PPP2R3A: variants seen among roughly 807,000 people sequenced by gnomAD.
The protein encoded by PPP2R3A is protein phosphatase 2 regulatory subunit B''alpha.
A neutral mutation model predicts 106.9 loss-of-function variants in PPP2R3A; 80 were observed. The ratio of observed to expected loss-of-function variants is 0.75; its 90% CI spans 0.62 to 0.90. The LOEUF is 0.90. PPP2R3A is among the 40% of genes least tolerant of loss of function. PPP2R3A has a pLI of 0.00. For missense variants in PPP2R3A, 1,386 were observed against 1,350.4 expected (o/e 1.03, Z -0.41); for synonymous variants, 483 against 468.3 (o/e 1.03, Z -0.41).
At chr3:136,079,399 A>G in intron 7 of PPP2R3A, 1 of 185,704 alleles carries the variant, frequency 5.4e-6, no homozygotes, top group Non-Finnish European at 1.1e-5. Context: ...CATTTTTATA[A>G]TCCATAATTT....
intron 2 of PPP2R3A, among the ~76,000 whole-genome samples, chr3:136,011,969 AATC>A (rs1225354708): frequency 1.4e-5 from 2 of 143,852 alleles, no homozygotes; most frequent in African/African-American, 5.7e-5. Flanking sequence ...ATTACTGAGA[AATC>A]ATACACACAC....
chr3:136,055,433 A>G, intron 5 of PPP2R3A: 1 of 1,077,700 alleles, frequency 9.3e-7, no homozygotes, highest in Non-Finnish European at 1.4e-6. Flanking sequence ...CATAATGCAA[A>G]TGCTTAAGGC....
intron 9 of PPP2R3A, among the ~76,000 whole-genome samples, chr3:136,088,437 T>TTATGGC (rs1274620127): frequency 6.6e-6 from 1 of 152,244 alleles, no homozygotes; most frequent in Non-Finnish European, 1.5e-5. Context: ...TTCATAATTT[T>TTATGGC]TATGGCTGCA....
chr3:136,141,742 T>TAAAC (rs1234086302), intron 13 of PPP2R3A, among the ~76,000 whole-genome samples: 2 of 152,190 alleles, frequency 1.3e-5, no homozygotes, highest in African/African-American at 4.8e-5. Flanking sequence ...TCCAACACTA[T>TAAAC]AAACAGCCTG....
intron 8 of PPP2R3A, among the ~76,000 whole-genome samples, chr3:136,085,323 G>T (rs1936898036): frequency 6.6e-6 from 1 of 152,150 alleles, no homozygotes; most frequent in South Asian, 2.1e-4. Context: ...TGTAAGATGT[G>T]CCTTTGCTTC....
chr3:136,097,243 C>T (rs1937237301), intron 10 of PPP2R3A, among the ~76,000 whole-genome samples: 2 of 151,838 alleles, frequency 1.3e-5, no homozygotes, highest in Admixed American at 1.3e-4. Flanking sequence ...AGAGAGTATC[C>T]AGTACTTTCA....
chr3:136,068,184 C>T (rs2107902773), intron 5 of PPP2R3A, among the ~76,000 whole-genome samples: 1 of 152,232 alleles, frequency 6.6e-6, no homozygotes, highest in East Asian at 1.9e-4. Context: ...AGTCACTACA[C>T]TCCATTCTGG....
intron 4 of PPP2R3A, among the ~76,000 whole-genome samples, chr3:136,043,198 G>A (rs1186042239): frequency 6.6e-6 from 1 of 151,964 alleles, no homozygotes; most frequent in Non-Finnish European, 1.5e-5. Flanking sequence ...GGTGGCTCAC[G>A]CCTGTAATCC....
At chr3:136,062,802 T>C (rs1285733990) in intron 5 of PPP2R3A, among the ~76,000 whole-genome samples, 1 of 151,832 alleles carries the variant, frequency 6.6e-6, no homozygotes, top group Non-Finnish European at 1.5e-5. Flanking sequence ...CATTCCATGC[T>C]CATGGGTAGG....
At position 136,102,045 on chromosome 3, in the gene PPP2R3A, A is replaced by T. The variant is rs1472797363; in HGVS notation, c.2966A>T (p.Asp989Val). ...YWFRCMDVDG[D>V]GVLSMYELEY... is the part of the protein sequence containing the mutation. ...TTCCGCTGCATGGATGTGGATGGAG[A>T]CGGTGTACTCTCCATGTATGAGCTG... Residue 989 changes from aspartate to valine, a missense_variant, in exon 11 of 14, where the codon GAC becomes GTC. Physicochemically the swap from Asp to Val is radical, Grantham distance 152 (BLOSUM62 -3). Transcript: ENST00000264977. 1.2e-6 allele frequency: 2 copies of T among 1,614,014 alleles called. No individual in the cohort carries two copies. Among genetic ancestry groups the T allele is most frequent in the Admixed American group, 3.3e-5 (2 of 60,010 alleles).
chr3:136,105,985 A>T (rs914890164), intron 12 of PPP2R3A, among the ~76,000 whole-genome samples: 1 of 152,150 alleles, frequency 6.6e-6, no homozygotes, highest in Admixed American at 6.6e-5. Context: ...GAAAAAAGAA[A>T]AAAATGGAAT....
At chr3:136,061,550 C>G (rs1936075375) in intron 5 of PPP2R3A, among the ~76,000 whole-genome samples, 1 of 152,046 alleles carries the variant, frequency 6.6e-6, no homozygotes, top group Non-Finnish European at 1.5e-5. Flanking sequence ...ATTGCTTGAA[C>G]TTGGGAGGCA....
intron 7 of PPP2R3A, among the ~76,000 whole-genome samples, chr3:136,079,968 C>T (rs1317196102): frequency 6.6e-6 from 1 of 152,168 alleles, no homozygotes; most frequent in African/African-American, 2.4e-5. Context: ...AATATGAGCA[C>T]ATCTAGAGTA....
chr3:136,140,893 G>A (rs1322945560), intron 13 of PPP2R3A, among the ~76,000 whole-genome samples: 6 of 152,352 alleles, frequency 3.9e-5, no homozygotes, highest in South Asian at 4.1e-4. Flanking sequence ...GCGACAGAGC[G>A]AGACTCTGTC....
chr3:136,134,822 A>G (rs574620444), intron 13 of PPP2R3A, among the ~76,000 whole-genome samples: 20 of 152,302 alleles, frequency 1.3e-4, no homozygotes, highest in Non-Finnish European at 2.2e-4. Context: ...ATAAACAAAA[A>G]TCTACACCTA....
intron 13 of PPP2R3A, among the ~76,000 whole-genome samples, chr3:136,139,696 A>AC (rs1938776373): frequency 2.0e-5 from 3 of 150,138 alleles, no homozygotes; most frequent in Non-Finnish European, 4.4e-5. Flanking sequence ...CATCTCAAAA[A>AC]AAAAAAAAAA....
At chr3:136,101,478 G>A (rs1003767590) in intron 10 of PPP2R3A, among the ~76,000 whole-genome samples, 2 of 152,190 alleles carry the variant, frequency 1.3e-5, no homozygotes, top group Non-Finnish European at 2.9e-5. Flanking sequence ...AGGCTGGAGT[G>A]CAGCAGCGCA....
At chr3:136,092,049 T>C (rs1399866216) in intron 10 of PPP2R3A, among the ~76,000 whole-genome samples, 1 of 152,128 alleles carries the variant, frequency 6.6e-6, no homozygotes, top group Non-Finnish European at 1.5e-5. Context: ...GATTTTCAGC[T>C]GGGTTGCAGT....
intron 1 of PPP2R3A, among the ~76,000 whole-genome samples, chr3:135,995,339 A>G (rs1015302188): frequency 1.3e-5 from 2 of 152,040 alleles, no homozygotes. Context: ...TATAAAACTC[A>G]TTATTTCATA....
Sources: gnomAD v4.1 joint callset for allele counts (sites outside exome capture counted in the v4.1 genomes callset) on GRCh38, gnomAD v4.1.1 for gene constraint, MANE v1.5 for transcripts, NCBI Gene and HGNC (gene_info 2026-07-23, HGNC 2026-07-21) for gene names.